Variants in ACSF2 observed in about 807,000 individuals in gnomAD.
ACSF2 encodes medium-chain acyl-CoA ligase ACSF2, mitochondrial.
A neutral mutation model predicts 79.3 loss-of-function variants in ACSF2; 52 were observed. The ratio of observed to expected loss-of-function variants is 0.66; its 90% confidence interval spans 0.53 to 0.83. ACSF2 has a LOEUF of 0.83. Among genes scored for constraint, ACSF2 ranks in the 40% least tolerant of loss-of-function variants. The pLI, the probability that ACSF2 is intolerant of heterozygous loss-of-function variation, is 0.00. For synonymous variants in ACSF2, 283 were observed against 312.6 expected, an observed-to-expected ratio of 0.91 and a Z score of 1.00; for missense variants, 661 against 803.3, an observed-to-expected ratio of 0.82 and a Z score of 2.14.
chr17:50,470,814 C>A, intron 10 of ACSF2: 1 of 481,940 alleles, frequency 2.1e-6, no homozygotes. Context: ...AATTTTCTTT[C>A]AGATCTGGGG....
At chr17:50,449,156 A>G (rs908605795) in intron 1 of ACSF2, among the ~76,000 whole-genome samples, 5 of 151,242 alleles carry the variant, frequency 3.3e-5, no homozygotes, top group African/African-American at 1.2e-4. Context: ...AGCCGGGACT[A>G]CAGGCGCCCA....
chr17:50,457,432 T>C (rs2032081604), intron 1 of ACSF2, among the ~76,000 whole-genome samples: 3 of 152,158 alleles, frequency 2.0e-5, no homozygotes, highest in Admixed American at 2.0e-4. Flanking sequence ...ACTAGTGGGA[T>C]GGGAAGAGGA....
intron 1 of ACSF2, among the ~76,000 whole-genome samples, chr17:50,456,429 C>T (rs1326913858): frequency 1.3e-5 from 2 of 152,132 alleles, no homozygotes; most frequent in Non-Finnish European, 2.9e-5. Flanking sequence ...ACACTGCACC[C>T]TCTGATAAAA....
In ACSF2 at chr17:50,426,504, ACCCGCCCCTCC is replaced by A. The variant is rs1419391031; in HGVS notation, c.128+124_128+134del. On this transcript the variant is annotated intron_variant, in intron 1 of 15. Coordinates refer to ENST00000300441, the MANE Select transcript of ACSF2 (RefSeq NM_025149.6). ...TGGACGAGTGCACTGGGGGGAAGGT[ACCCGCCCCTCC>A]CCCGCCCCCCGCCAGCACCTAGGCA... is the stretch of plus-strand genomic sequence containing the variant. 1.6e-5 allele frequency: 19 copies of A among 1,178,272 alleles called. No homozygotes were observed. In the Admixed American group the frequency reaches 4.0e-4, roughly 25 times the overall value. 73.0% of individuals were successfully genotyped at this position (1,178,272 alleles called of 1,614,324 possible).
At chr17:50,442,767 T>C (rs1194913239) in intron 1 of ACSF2, among the ~76,000 whole-genome samples, 3 of 152,190 alleles carry the variant, frequency 2.0e-5, no homozygotes, top group African/African-American at 4.8e-5. Flanking sequence ...TGCCTGACCA[T>C]GTCTTCATTT....
chr17:50,427,976 T>C (rs902574273), intron 1 of ACSF2, among the ~76,000 whole-genome samples: 2 of 152,204 alleles, frequency 1.3e-5, no homozygotes, highest in African/African-American at 2.4e-5. Flanking sequence ...TGCACCCTTA[T>C]TGTCTGACTG....
chr17:50,451,534 C>A (rs2031675027), intron 1 of ACSF2, among the ~76,000 whole-genome samples: 1 of 152,186 alleles, frequency 6.6e-6, no homozygotes, highest in South Asian at 2.1e-4. Context: ...ATTGCAAACT[C>A]CACCTTTCAG....
At position 50,474,497 on chromosome 17, in the gene ACSF2, T is replaced by C. The variant is rs1275971917; in HGVS notation, c.1798-5T>C. The C allele has an allele frequency of 1.2e-6, 2 of 1,614,076 alleles. No individual in the cohort carries two copies. The highest frequency in any genetic ancestry group is 1.7e-6 in the Non-Finnish European group (2 of 1,179,944). On this transcript the variant is annotated splice_polypyrimidine_tract_variant and splice_region_variant and intron_variant, in intron 15 of 15. Coordinates refer to ENST00000300441, the MANE Select transcript of ACSF2 (RefSeq NM_025149.6). This position sits in a 1 kb window ranked among gnomAD's most constrained non-coding sequence, Gnocchi z 4.2. ...GTAACCCTAACTCCATTTTCTTTCC[T>C]CTAGATCCAGAAATTCAAACTTCGA...
intron 1 of ACSF2, among the ~76,000 whole-genome samples, chr17:50,439,457 A>G (rs1014851746): frequency 6.6e-6 from 1 of 152,126 alleles, no homozygotes; most frequent in Non-Finnish European, 1.5e-5. Context: ...TTACAGATCT[A>G]TTCATCTCAG....
intron 1 of ACSF2, among the ~76,000 whole-genome samples, chr17:50,443,708 C>T (rs192071786): frequency 2.6e-5 from 4 of 152,340 alleles, no homozygotes; most frequent in African/African-American, 9.6e-5. Flanking sequence ...TCTATACTTA[C>T]CATCTTCTAA....
chr17:50,434,810 TAGAA>T (rs1027143226), intron 1 of ACSF2, among the ~76,000 whole-genome samples: 4 of 152,082 alleles, frequency 2.6e-5, no homozygotes, highest in African/African-American at 9.7e-5. Context: ...TGTCGAGTGG[TAGAA>T]AGATCATGGG....
chr17:50,458,666 G>C (rs140027078), intron 1 of ACSF2, among the ~76,000 whole-genome samples: 51 of 152,238 alleles, frequency 3.4e-4, no homozygotes, highest in East Asian at 2.7e-3. Flanking sequence ...ACTGTATTTG[G>C]CTTTGTTCAT....
intron 1 of ACSF2, among the ~76,000 whole-genome samples, chr17:50,437,207 G>A (rs1431631716): frequency 6.6e-6 from 1 of 152,226 alleles, no homozygotes; most frequent in African/African-American, 2.4e-5. Flanking sequence ...GGAAGGGAGA[G>A]CCTGCCTTTC....
intron 1 of ACSF2, among the ~76,000 whole-genome samples, chr17:50,452,130 A>G (rs1244804781): frequency 6.6e-6 from 1 of 152,124 alleles, no homozygotes; most frequent in East Asian, 1.9e-4. Context: ...TGTTTCTTCA[A>G]GGCTCCTATC....
intron 11 of ACSF2, 27 bp from the exon 12 acceptor site, chr17:50,472,401 C>T: frequency 6.2e-7 from 1 of 1,603,302 alleles, no homozygotes; most frequent in East Asian, 2.3e-5. Flanking sequence ...GGATAGGAAG[C>T]CCCAACCTGA....
chr17:50,472,258 C>T, intron 11 of ACSF2, 170 bp from the exon 12 acceptor site: 1 of 737,928 alleles, frequency 1.4e-6, no homozygotes, highest in East Asian at 3.1e-5. Flanking sequence ...TTTGGGTCGA[C>T]TCTAGCCTTT....
intron 1 of ACSF2, among the ~76,000 whole-genome samples, chr17:50,457,248 T>C (rs1225639700): frequency 6.6e-6 from 1 of 152,232 alleles, no homozygotes; most frequent in African/African-American, 2.4e-5. Context: ...TAGGAGAAGA[T>C]GTGCTCTGGC....
Position 50,474,241 on chromosome 17 carries a change from A to G in ACSF2, c.1771A>G (p.Asn591Asp). 2 of 1,614,224 alleles carry G rather than the reference A, an allele frequency of 1.2e-6. No individual in the cohort carries two copies. Among genetic ancestry groups the G allele is most frequent in the Non-Finnish European group, 1.7e-6 (2 of 1,180,046 alleles). The change falls in exon 15 of 16, where the codon AAC becomes GAC. Residue 591 changes from asparagine to aspartate, a missense_variant. Physicochemically the swap from Asn to Asp is conservative, Grantham distance 23. Transcript: ENST00000300441. The surrounding 1 kb of genome is among the most constrained non-coding windows in gnomAD (Gnocchi z 4.2). ...KIPKYIVFVTNYPLTISGKIQ... is the reference protein window; with the variant it reads ...KIPKYIVFVTDYPLTISGKIQ... ...TCCGAAGTACATCGTGTTTGTCACA[A>G]ACTACCCCCTCACCATTTCAGGAAA... is the stretch of plus-strand genomic sequence containing the variant.
At chr17:50,467,287 C>A (rs2032796131) in intron 10 of ACSF2, among the ~76,000 whole-genome samples, 1 of 152,192 alleles carries the variant, frequency 6.6e-6, no homozygotes, top group South Asian at 2.1e-4. Flanking sequence ...GTGAGTCACG[C>A]CAGTCTTCTC....
Sources: gnomAD v4.1 joint callset for allele counts (sites outside exome capture counted in the v4.1 genomes callset) on GRCh38, gnomAD v4.1.1 for gene constraint, Gnocchi (gnomAD v3.1) non-coding constraint, MANE v1.5 for transcripts, NCBI Gene and HGNC (gene_info 2026-07-23, HGNC 2026-07-21) for gene names.